Variants in FCHSD2 observed in about 807,000 individuals in gnomAD.
FCHSD2 encodes the protein F-BAR and double SH3 domains protein 2.
A neutral mutation model predicts 108.1 loss-of-function variants in FCHSD2; 38 were observed. The ratio of observed to expected loss-of-function variants is 0.35; its 90% CI spans 0.27 to 0.46. The LOEUF is 0.46. Ranked by LOEUF, FCHSD2 falls within the 20% of genes least tolerant of loss-of-function variation. The pLI is 1.00. For missense variants in FCHSD2, 751 were observed against 897.8 expected, an observed-to-expected ratio of 0.84 and a Z score of 2.09; for synonymous variants, 279 against 314.7, an observed-to-expected ratio of 0.89 and a Z score of 1.20.
At chr11:72,930,443 ATT>A (rs1268071658) in intron 8 of FCHSD2, among the ~76,000 whole-genome samples, 1 of 152,112 alleles carries the variant, frequency 6.6e-6, no homozygotes, top group Non-Finnish European at 1.5e-5. Context: ...TCATCTCTAT[ATT>A]TTCTTTGACT....
At chr11:73,037,822 T>C (rs1858535628) in intron 3 of FCHSD2, among the ~76,000 whole-genome samples, 1 of 152,208 alleles carries the variant, frequency 6.6e-6, no homozygotes, top group African/African-American at 2.4e-5. Context: ...TTGTTATGCA[T>C]AGAGCAGAAC....
intron 3 of FCHSD2, among the ~76,000 whole-genome samples, 190 bp downstream of exon 3, chr11:73,083,505 C>T (rs745696727): frequency 2.0e-5 from 3 of 151,084 alleles, no homozygotes; most frequent in Non-Finnish European, 2.9e-5. Flanking sequence ...GCCAAGATTG[C>T]GCCACTGTAC....
chr11:72,936,512 T>C (rs1159760426), intron 8 of FCHSD2, among the ~76,000 whole-genome samples: 2 of 152,238 alleles, frequency 1.3e-5, no homozygotes, highest in African/African-American at 4.8e-5. Flanking sequence ...CCATGGCTCA[T>C]GCCTGTACTC....
chr11:73,119,676 G>C (rs1481924104), intron 2 of FCHSD2, among the ~76,000 whole-genome samples: 5 of 152,022 alleles, frequency 3.3e-5, no homozygotes. Context: ...CTCACTCCTG[G>C]CTTCAAGTGA....
At chr11:72,934,268 CTTGT>C (rs1286792488) in intron 8 of FCHSD2, among the ~76,000 whole-genome samples, 2 of 151,442 alleles carry the variant, frequency 1.3e-5, no homozygotes, top group African/African-American at 4.9e-5. Flanking sequence ...GTTCTTTACA[CTTGT>C]TTAAGTGAAC....
At chr11:72,939,639 G>GAC (rs1186049877) in intron 8 of FCHSD2, among the ~76,000 whole-genome samples, 3 of 78,186 alleles carry the variant, frequency 3.8e-5, no homozygotes, top group Admixed American at 2.0e-4. Context: ...TTTTTTTTGA[G>GAC]ACAGTGTCTC....
chr11:73,038,510 T>C (rs558534324), intron 3 of FCHSD2, among the ~76,000 whole-genome samples: 3 of 152,254 alleles, frequency 2.0e-5, no homozygotes, highest in South Asian at 2.1e-4. Context: ...GTGGATACTA[T>C]GCAGCCATGA....
chr11:72,898,704 G>A (rs1292811298), intron 10 of FCHSD2, among the ~76,000 whole-genome samples: 1 of 149,906 alleles, frequency 6.7e-6, no homozygotes, highest in African/African-American at 2.5e-5. Flanking sequence ...GTGACCTTGA[G>A]CAAAGCAAAT....
intron 13 of FCHSD2, among the ~76,000 whole-genome samples, chr11:72,857,169 TCA>T (rs1448009311): frequency 6.6e-6 from 1 of 152,170 alleles, no homozygotes; most frequent in Non-Finnish European, 1.5e-5. Flanking sequence ...GCAATAGCGG[TCA>T]CTGTCATATG....
At chr11:73,057,697 C>A (rs1329121538) in intron 3 of FCHSD2, among the ~76,000 whole-genome samples, 1 of 152,058 alleles carries the variant, frequency 6.6e-6, no homozygotes, top group Non-Finnish European at 1.5e-5. Flanking sequence ...ATCAACAAAA[C>A]CCTTATTCTC....
chr11:72,992,622 A>T (rs1269020919), intron 5 of FCHSD2, among the ~76,000 whole-genome samples: 2 of 152,228 alleles, frequency 1.3e-5, no homozygotes, highest in African/African-American at 4.8e-5. Flanking sequence ...CAACTATCTG[A>T]TCTTTGACAA....
intron 3 of FCHSD2, among the ~76,000 whole-genome samples, chr11:73,028,240 G>A (rs1340203274): frequency 1.3e-5 from 2 of 152,228 alleles, no homozygotes; most frequent in African/African-American, 2.4e-5. Context: ...GTACCCTGCA[G>A]AGCCACAAGG....
chr11:73,078,723 A>G (rs1859613076), intron 3 of FCHSD2, among the ~76,000 whole-genome samples: 1 of 151,404 alleles, frequency 6.6e-6, no homozygotes, highest in Admixed American at 6.6e-5. Flanking sequence ...GGGATAGGGG[A>G]TTGTTCTTTT....
At chr11:73,139,728 A>C (rs1487519898) in intron 2 of FCHSD2, among the ~76,000 whole-genome samples, 3 of 152,222 alleles carry the variant, frequency 2.0e-5, no homozygotes, top group African/African-American at 7.2e-5. Flanking sequence ...CAATAAAATG[A>C]TTGTTACAAT....
intron 3 of FCHSD2, among the ~76,000 whole-genome samples, chr11:73,035,154 G>C (rs1466131798): frequency 9.6e-6 from 1 of 104,712 alleles, no homozygotes; most frequent in African/African-American, 3.5e-5. Flanking sequence ...TTATTTTTAT[G>C]TATGTATGTA....
chr11:72,961,405 T>TG (rs1455353403), intron 8 of FCHSD2, among the ~76,000 whole-genome samples: 2 of 151,018 alleles, frequency 1.3e-5, no homozygotes, highest in Admixed American at 6.6e-5. Context: ...TAAGAAGTTT[T>TG]TTGTTGTTGT....
intron 2 of FCHSD2, among the ~76,000 whole-genome samples, chr11:73,100,551 T>C (rs1361698119): frequency 2.6e-5 from 4 of 152,102 alleles, no homozygotes; most frequent in African/African-American, 9.7e-5. Context: ...TTAGTAGAGA[T>C]GGGGTTTCTC....
chr11:72,996,210 T>C (rs896961205), intron 5 of FCHSD2, among the ~76,000 whole-genome samples: 1 of 152,224 alleles, frequency 6.6e-6, no homozygotes, highest in Non-Finnish European at 1.5e-5. Context: ...AGTAGTATAT[T>C]CAAGTTCCCA....
At chr11:72,985,222 C>T (rs2135400270) in intron 6 of FCHSD2, 106 bp from the exon 7 acceptor site, 2 of 258,136 alleles carry the variant, frequency 7.7e-6, no homozygotes, top group Non-Finnish European at 7.5e-6. Flanking sequence ...TTTGAAGATA[C>T]TGCTCTAAAA....
Sources: allele counts gnomAD v4.1 joint callset (sites outside exome capture counted in the v4.1 genomes callset), GRCh38; gene constraint gnomAD v4.1.1; transcripts MANE v1.5; gene names NCBI Gene and HGNC (gene_info 2026-07-23, HGNC 2026-07-21).